The following PABPC4L variants were observed in gnomAD, a reference collection of about 807,000 sequenced individuals.
PABPC4L encodes poly(A) binding protein cytoplasmic 4 like.
For synonymous variants in PABPC4L, 169 were observed against 164.1 expected, an observed-to-expected ratio of 1.03 and a Z score of -0.23; for missense variants, 452 against 451.4, an observed-to-expected ratio of 1.00 and a Z score of -0.01.
the PABPC4L span, among the ~76,000 whole-genome samples, chr4:134,128,724 G>A: frequency 6.6e-6 from 1 of 151,756 alleles, no homozygotes; most frequent in African/African-American, 2.4e-5. Context: ...AAATCTCATA[G>A]GATCTACAAA....
chr4:134,033,691 G>A, the PABPC4L span, among the ~76,000 whole-genome samples: 3 of 151,778 alleles, frequency 2.0e-5, no homozygotes, highest in Admixed American at 6.6e-5. Context: ...AAGCCAAATC[G>A]CAATCTAGAG....
chr4:134,151,088 A>G, the PABPC4L span, among the ~76,000 whole-genome samples: 1 of 152,262 alleles, frequency 6.6e-6, no homozygotes, highest in African/African-American at 2.4e-5. Context: ...AGCCAGAAGT[A>G]TAGTATTGTG....
chr4:134,043,170 C>A, the PABPC4L span, among the ~76,000 whole-genome samples: 1 of 123,554 alleles, frequency 8.1e-6, no homozygotes, highest in Non-Finnish European at 1.6e-5. Flanking sequence ...CACCCACACA[C>A]CATATACAGC....
At chr4:134,081,447 C>T in the PABPC4L span, among the ~76,000 whole-genome samples, 2 of 152,126 alleles carry the variant, frequency 1.3e-5, no homozygotes. Context: ...TCACCAGAGG[C>T]AGTAAGAGAA....
At chr4:134,175,411 T>G in the PABPC4L span, among the ~76,000 whole-genome samples, 1 of 151,726 alleles carries the variant, frequency 6.6e-6, no homozygotes, top group Non-Finnish European at 1.5e-5. Context: ...ATAATTTAAT[T>G]TAATTTATTT....
At chr4:134,083,629 A>C in the PABPC4L span, among the ~76,000 whole-genome samples, 3 of 152,176 alleles carry the variant, frequency 2.0e-5, no homozygotes, top group Admixed American at 1.3e-4. Flanking sequence ...GGAAGATTAA[A>C]GTGGCCAAAG....
the PABPC4L span, among the ~76,000 whole-genome samples, chr4:133,995,623 T>C: frequency 2.0e-5 from 3 of 152,164 alleles, no homozygotes; most frequent in African/African-American, 7.2e-5. Context: ...AACTTCACTT[T>C]TGAGAATTTG....
At chr4:134,099,011 G>A in the PABPC4L span, among the ~76,000 whole-genome samples, 43 of 151,720 alleles carry the variant, frequency 2.8e-4, 1 homozygote, top group East Asian at 2.9e-3. Context: ...AGTTTAGAAA[G>A]AAGAAAGGGA....
chr4:134,113,199 C>G, the PABPC4L span, among the ~76,000 whole-genome samples: 1 of 151,772 alleles, frequency 6.6e-6, no homozygotes, highest in Non-Finnish European at 1.5e-5. Context: ...AAGTTACAGT[C>G]AGCTAACGTT....
chr4:134,099,512 G>C, the PABPC4L span, among the ~76,000 whole-genome samples: 8 of 151,672 alleles, frequency 5.3e-5, no homozygotes, highest in Middle Eastern at 3.2e-3. Flanking sequence ...TAGAATTCCA[G>C]ATGATACAAA....
the PABPC4L span, among the ~76,000 whole-genome samples, chr4:134,008,741 T>C: frequency 6.6e-6 from 1 of 151,860 alleles, no homozygotes; most frequent in Non-Finnish European, 1.5e-5. Context: ...TTTTCTTTTT[T>C]TCTTTTTGAA....
chr4:133,997,210 C>T, the PABPC4L span, among the ~76,000 whole-genome samples: 4 of 152,162 alleles, frequency 2.6e-5, no homozygotes, highest in Non-Finnish European at 4.4e-5. Flanking sequence ...AGTCAGGAGT[C>T]ATACATCTCT....
chr4:134,200,965 C>T lies in PABPC4L; in HGVS notation c.55G>A (p.Ala19Thr). 6.4e-7 allele frequency: 1 copy of T among 1,554,082 alleles called. No homozygotes were observed. The change falls in exon 2 of 2, where the codon GCA becomes ACA. Residue 19 changes from alanine (A) to threonine (T), a missense_variant. Physicochemically the swap from Ala to Thr is moderately conservative, Grantham distance 58. Coordinates refer to ENST00000421491, the MANE Select transcript of PABPC4L (RefSeq NM_001114734.2). ...AACAGCAGGTCCTCGGTGACATCTG[C>T]ATGTAAGTCACCCACATACAGGGAG... ...MASLYVGDLH[A>T]DVTEDLLFRK...
the PABPC4L span, among the ~76,000 whole-genome samples, chr4:134,072,952 T>C: frequency 6.6e-6 from 1 of 152,194 alleles, no homozygotes; most frequent in South Asian, 2.1e-4. Context: ...GTCCCTCCCA[T>C]GACACATAAG....
the PABPC4L span, among the ~76,000 whole-genome samples, chr4:133,995,205 C>T: frequency 6.6e-6 from 1 of 152,172 alleles, no homozygotes. Context: ...CCCCTTTTTA[C>T]AGCAGGGGCA....
the PABPC4L span, among the ~76,000 whole-genome samples, chr4:134,052,232 A>T: frequency 6.6e-5 from 10 of 152,086 alleles, no homozygotes; most frequent in African/African-American, 2.4e-4. Context: ...ATATTAAAAT[A>T]TGTACAAGTT....
the PABPC4L span, among the ~76,000 whole-genome samples, chr4:134,129,931 G>A: frequency 1.3e-5 from 2 of 151,910 alleles, no homozygotes; most frequent in African/African-American, 4.8e-5. Context: ...CAGGCGTGGT[G>A]GTGTGCACCT....
the PABPC4L span, among the ~76,000 whole-genome samples, chr4:133,992,911 C>T: frequency 1.3e-4 from 19 of 152,000 alleles, no homozygotes; most frequent in Non-Finnish European, 2.6e-4. Context: ...GACTGTGGGT[C>T]TTGCAGGGTC....
At chr4:134,000,771 G>T in the PABPC4L span, among the ~76,000 whole-genome samples, 1 of 152,034 alleles carries the variant, frequency 6.6e-6, no homozygotes, top group African/African-American at 2.4e-5. Flanking sequence ...CTGCCTAACT[G>T]GTAAGCTGGG....
Sources: allele counts gnomAD v4.1 joint callset (sites outside exome capture counted in the v4.1 genomes callset), GRCh38; gene constraint gnomAD v4.1.1; transcripts MANE v1.5; gene names NCBI Gene and HGNC (gene_info 2026-07-23, HGNC 2026-07-21).